Variants in SNX9 observed in about 807,000 individuals in gnomAD.
SNX9 encodes the protein sorting nexin-9.
A neutral mutation model predicts 89.4 loss-of-function variants in SNX9; 44 were observed. That is an observed-to-expected ratio of 0.49 (90% CI 0.39 to 0.63). The LOEUF (loss-of-function observed/expected upper bound fraction) is 0.63. Ranked by LOEUF, SNX9 falls within the 30% of genes least tolerant of loss-of-function variation. The probability of loss-of-function intolerance (pLI) is 0.00; values close to 1 mark genes in which losing one functional copy is unlikely to be tolerated. For missense variants in SNX9, 578 were observed against 736.1 expected, an observed-to-expected ratio of 0.79 and a Z score of 2.49; for synonymous variants, 236 against 247.8, an observed-to-expected ratio of 0.95 and a Z score of 0.45.
chr6:157,908,844 T>G (rs1380162438), intron 7 of SNX9, among the ~76,000 whole-genome samples: 1 of 152,160 alleles, frequency 6.6e-6, no homozygotes, highest in African/African-American at 2.4e-5. Flanking sequence ...AAGCCTCGCC[T>G]GAATTTGTGA....
At chr6:157,893,545 A>G (rs564390398) in intron 4 of SNX9, among the ~76,000 whole-genome samples, 2 of 152,156 alleles carry the variant, frequency 1.3e-5, no homozygotes, top group East Asian at 3.9e-4. Context: ...ATTAGGGGCT[A>G]TATTAGACAG....
At chr6:157,895,379 A>G (rs538343251) in intron 4 of SNX9, among the ~76,000 whole-genome samples, 1 of 152,326 alleles carries the variant, frequency 6.6e-6, no homozygotes, top group African/African-American at 2.4e-5. Flanking sequence ...AGCCCTAGTA[A>G]TTTAAAAAGT....
rs767037718 is a variant in SNX9 at position 157,910,076 on chromosome 6, C to G, written c.949+51C>G. ...GGATGACAAATAGAAAGACTCCAGTCAGATTATCTTCCTGTAAGTCAGTGA... is the reference window on the plus strand; with the variant it reads ...GGATGACAAATAGAAAGACTCCAGTGAGATTATCTTCCTGTAAGTCAGTGA... On this transcript the variant is annotated intron_variant, in intron 9 of 17. Transcript: ENST00000392185. 2.9e-6 allele frequency: 4 copies of G among 1,393,374 alleles called. No individual in the cohort carries two copies. In the East Asian group the frequency reaches 9.1e-5, roughly 32 times the overall value. The allele number at this position is 1,393,374 out of a possible 1,614,324, so 86.3% of individuals were successfully genotyped here. A position where few individuals can be genotyped will look rare whatever the true frequency, so the allele number is the denominator to read the frequency against.
chr6:157,924,783 TA>T (rs1783655480), intron 10 of SNX9: 1 of 152,218 alleles, frequency 6.6e-6, no homozygotes. Flanking sequence ...ATGATATTTT[TA>T]AAAAGATTGG....
intron 2 of SNX9, among the ~76,000 whole-genome samples, chr6:157,870,918 T>C (rs1218095738): frequency 1.3e-5 from 2 of 152,266 alleles, no homozygotes. Flanking sequence ...ACTCACCTGC[T>C]GTCATGCACA....
chr6:157,930,530 T>C (rs569211418), intron 12 of SNX9, among the ~76,000 whole-genome samples: 12 of 152,304 alleles, frequency 7.9e-5, no homozygotes, highest in East Asian at 5.8e-4. Flanking sequence ...TTCATCTCTA[T>C]CTACAGGTGC....
At chr6:157,915,983 A>G (rs1012746496) in intron 9 of SNX9, among the ~76,000 whole-genome samples, 4 of 150,938 alleles carry the variant, frequency 2.7e-5, no homozygotes, top group African/African-American at 7.3e-5. Context: ...AACTCACTCA[A>G]TAGTTCCAGG....
At chr6:157,934,682 A>C (rs1015157716) in intron 13 of SNX9, among the ~76,000 whole-genome samples, 10 of 152,254 alleles carry the variant, frequency 6.6e-5, no homozygotes, top group African/African-American at 2.4e-4. Context: ...TAATTATGTT[A>C]CTGTTGTTAG....
chr6:157,880,203 C>T (rs185787427), intron 4 of SNX9, among the ~76,000 whole-genome samples: 1 of 152,322 alleles, frequency 6.6e-6, no homozygotes. Flanking sequence ...GTGGCTTTGG[C>T]ATAAGACCTG....
intron 1 of SNX9, among the ~76,000 whole-genome samples, chr6:157,864,677 C>T (rs548098656): frequency 6.6e-5 from 10 of 152,278 alleles, no homozygotes; most frequent in Admixed American, 2.0e-4. Flanking sequence ...GTCCCCTGCC[C>T]GCATTTCTGT....
intron 1 of SNX9, among the ~76,000 whole-genome samples, chr6:157,835,515 C>T (rs1781566154): frequency 6.6e-6 from 1 of 150,972 alleles, no homozygotes; most frequent in Admixed American, 6.6e-5. Context: ...CACACTGAAG[C>T]AATCCTCCTG....
chr6:157,927,427 C>T (rs1783717683), intron 11 of SNX9, among the ~76,000 whole-genome samples: 1 of 152,168 alleles, frequency 6.6e-6, no homozygotes, highest in Non-Finnish European at 1.5e-5. Flanking sequence ...CTTTCTTTCA[C>T]CTTGAAGCCA....
chr6:157,843,661 C>A (rs936123364), intron 1 of SNX9, among the ~76,000 whole-genome samples: 9 of 152,070 alleles, frequency 5.9e-5, no homozygotes, highest in African/African-American at 2.2e-4. Flanking sequence ...GTATAATGTG[C>A]ATTTACTCAC....
intron 6 of SNX9, among the ~76,000 whole-genome samples, chr6:157,902,602 C>G (rs890270156): frequency 6.6e-6 from 1 of 152,070 alleles, no homozygotes; most frequent in African/African-American, 2.4e-5. Flanking sequence ...TGCCTAAAAA[C>G]GTGGTCCGGA....
At chr6:157,867,964 G>T (rs1050800470) in intron 2 of SNX9, among the ~76,000 whole-genome samples, 1 of 152,052 alleles carries the variant, frequency 6.6e-6, no homozygotes, top group African/African-American at 2.4e-5. Flanking sequence ...AACCTTTTAG[G>T]TACCCCATAG....
At chr6:157,922,915 G>A (rs186228017) in intron 10 of SNX9, among the ~76,000 whole-genome samples, 1 of 152,270 alleles carries the variant, frequency 6.6e-6, no homozygotes, top group Non-Finnish European at 1.5e-5. Context: ...AAACTACAGG[G>A]AACCACCTCC....
chr6:157,856,465 G>A (rs561116749), intron 1 of SNX9, among the ~76,000 whole-genome samples: 2 of 152,326 alleles, frequency 1.3e-5, no homozygotes, highest in South Asian at 2.1e-4. Context: ...GGGGAGGAAA[G>A]AGGAAAGTCT....
chr6:157,842,063 C>G (rs1008237128), intron 1 of SNX9, among the ~76,000 whole-genome samples: 3 of 152,008 alleles, frequency 2.0e-5, no homozygotes, highest in African/African-American at 4.8e-5. Context: ...TAATATATAT[C>G]TCCAAAACTG....
chr6:157,931,768 T>A (rs1783814372), intron 12 of SNX9, among the ~76,000 whole-genome samples: 1 of 152,208 alleles, frequency 6.6e-6, no homozygotes, highest in Non-Finnish European at 1.5e-5. Flanking sequence ...TGTCCAGCAT[T>A]TATTAGCCAT....
Sources: gnomAD v4.1 joint callset for allele counts (sites outside exome capture counted in the v4.1 genomes callset) on GRCh38, gnomAD v4.1.1 for gene constraint, MANE v1.5 for transcripts, NCBI Gene and HGNC (gene_info 2026-07-23, HGNC 2026-07-21) for gene names.